Variants in KCNT1 observed in about 807,000 individuals in gnomAD.
The protein encoded by KCNT1 is potassium sodium-activated channel subfamily T member 1.
A neutral mutation model predicts 147.8 loss-of-function variants in KCNT1; 78 were observed. That is an observed-to-expected ratio of 0.53 (90% confidence interval 0.44 to 0.64). The LOEUF is 0.64. Among genes scored for constraint, KCNT1 ranks in the 30% least tolerant of loss-of-function variants. The pLI is 0.00. For synonymous variants in KCNT1, 867 were observed against 748.8 expected (o/e 1.16, Z -2.58); for missense variants, 1,419 against 1,750.3 (o/e 0.81, Z 3.38).
In KCNT1 at chr9:135,752,094, A is replaced by G; in HGVS notation, c.434+1053A>G. 1 of 279,604 alleles carries G rather than the reference A, an allele frequency of 3.6e-6. No individual in the cohort carries two copies. Among genetic ancestry groups the G allele is most frequent in the Non-Finnish European group, 7.1e-6 (1 of 140,574 alleles). 17.3% of individuals were successfully genotyped at this position (279,604 alleles called of 1,614,324 possible). On this transcript the variant is annotated intron_variant, in intron 4 of 30. Coordinates refer to ENST00000371757, the MANE Select transcript of KCNT1 (RefSeq NM_020822.3). This position sits in a 1 kb window ranked among gnomAD's most constrained non-coding sequence, Gnocchi z 5.1. Reference sequence around the variant, plus strand: ...GTGCCGTTTATGCGTAAGAGTGCTCAGGCGCTGAGGGGCTCTGCAGCCACG... The same window carrying G: ...GTGCCGTTTATGCGTAAGAGTGCTCGGGCGCTGAGGGGCTCTGCAGCCACG...
intron 13 of KCNT1, among the ~76,000 whole-genome samples, chr9:135,767,425 C>T (rs1314556314): frequency 6.6e-6 from 1 of 150,968 alleles, no homozygotes; most frequent in Admixed American, 6.6e-5. Context: ...TCTTAGACAG[C>T]GTCTCAGCAG....
At chr9:135,705,388 G>A (rs1337677154) in intron 1 of KCNT1, among the ~76,000 whole-genome samples, 3 of 152,226 alleles carry the variant, frequency 2.0e-5, no homozygotes, top group Non-Finnish European at 4.4e-5. Context: ...ATGCTGAACG[G>A]GTATCGTGTA....
At chr9:135,703,508 C>T (rs768736167) in intron 1 of KCNT1, among the ~76,000 whole-genome samples, 5 of 152,164 alleles carry the variant, frequency 3.3e-5, no homozygotes, top group Admixed American at 6.5e-5. Context: ...CGGGGTACAG[C>T]GTGTGTGAGG....
chr9:135,761,357 C>T (rs529042588), intron 11 of KCNT1, among the ~76,000 whole-genome samples: 7 of 152,200 alleles, frequency 4.6e-5, no homozygotes, highest in South Asian at 4.1e-4. Flanking sequence ...CCTGCTCCCC[C>T]ACACCCTGCA....
chr9:135,783,953 C>T (rs764252662), intron 24 of KCNT1, 71 bp from the exon 25 acceptor site: 113 of 1,170,182 alleles, frequency 9.7e-5, no homozygotes, highest in Non-Finnish European at 1.3e-4. Context: ...ACAGTGCCCT[C>T]GACCCCGTGG....
At chr9:135,722,621 G>T (rs1835968721) in intron 2 of KCNT1, among the ~76,000 whole-genome samples, 1 of 152,228 alleles carries the variant, frequency 6.6e-6, no homozygotes, top group African/African-American at 2.4e-5. Flanking sequence ...CAGCAACAGA[G>T]ATTTATTTCT....
intron 2 of KCNT1, among the ~76,000 whole-genome samples, chr9:135,731,726 C>T (rs1836440031): frequency 6.6e-6 from 1 of 151,788 alleles, no homozygotes; most frequent in Non-Finnish European, 1.5e-5. Flanking sequence ...GACCGTCATC[C>T]TCTGGTGCTT....
chr9:135,785,511 T>A (rs1193252762), intron 28 of KCNT1, 181 bp downstream of exon 28: 2 of 763,158 alleles, frequency 2.6e-6, no homozygotes, highest in Admixed American at 2.1e-5. Context: ...CTGTTGACAC[T>A]CACTCCCTCC....
chr9:135,782,332 G>C (rs1466097575), intron 24 of KCNT1, among the ~76,000 whole-genome samples: 2 of 152,192 alleles, frequency 1.3e-5, no homozygotes, highest in Non-Finnish European at 1.5e-5. Flanking sequence ...TCTCTCCCCT[G>C]AGGCCCACCT....
At chr9:135,717,478 T>C (rs561202102) in intron 2 of KCNT1, among the ~76,000 whole-genome samples, 3 of 152,016 alleles carry the variant, frequency 2.0e-5, no homozygotes, top group Admixed American at 6.5e-5. Flanking sequence ...CCAGCCCGGT[T>C]CCCAGCAGCT....
chr9:135,726,480 G>A (rs879406148), intron 2 of KCNT1, among the ~76,000 whole-genome samples: 81 of 152,166 alleles, frequency 5.3e-4, no homozygotes, highest in Non-Finnish European at 7.9e-4. Flanking sequence ...CCCCCACCCC[G>A]TTCCAAGCCT....
chr9:135,771,019 G>A lies in KCNT1; in HGVS notation c.1932G>A (p.Lys644=). ...TCTTCAAGCAGGAGGAGAAGCGGAAGAAGAGGGCCTTCTCGGGGCAGGGGC... is the reference window on the plus strand; with the variant it reads ...TCTTCAAGCAGGAGGAGAAGCGGAAAAAGAGGGCCTTCTCGGGGCAGGGGC... The part of the protein sequence containing the change: ...AFIFKQEEKR[K]KRAFSGQGLH... The change falls in exon 18 of 31, where the codon AAG becomes AAA. Residue 644 remains lysine (K), a synonymous_variant. Coordinates refer to ENST00000371757, the MANE Select transcript of KCNT1 (RefSeq NM_020822.3). 16 of 1,613,744 alleles carry A rather than the reference G, an allele frequency of 9.9e-6. No homozygotes were observed. The highest frequency in any genetic ancestry group is 1.4e-5 in the Non-Finnish European group (16 of 1,179,838).
intron 1 of KCNT1, among the ~76,000 whole-genome samples, chr9:135,704,529 C>T (rs1328771180): frequency 6.6e-6 from 1 of 152,230 alleles, no homozygotes; most frequent in Non-Finnish European, 1.5e-5. Flanking sequence ...GCTGCCTCCC[C>T]ACAGGCCCTG....
intron 2 of KCNT1, among the ~76,000 whole-genome samples, chr9:135,726,171 G>A (rs1279764463): frequency 1.3e-5 from 2 of 152,220 alleles, no homozygotes; most frequent in Non-Finnish European, 2.9e-5. Context: ...GAGCCAGGGC[G>A]CTGTCTGGGC....
Position 135,730,512 on chromosome 9 carries a change from G to A in KCNT1, c.254+15792G>A, listed in dbSNP as rs1799222276. 6.6e-6 allele frequency among the ~76,000 whole-genome samples: 1 copy of A among 152,184 alleles called. No homozygotes were observed. Among genetic ancestry groups the A allele is most frequent in the African/African-American group, 2.4e-5 (1 of 41,442 alleles). On this transcript the variant is annotated intron_variant, in intron 2 of 30. Coordinates refer to ENST00000371757, the MANE Select transcript of KCNT1 (RefSeq NM_020822.3). The surrounding 1 kb of genome is among the most constrained non-coding windows in gnomAD (Gnocchi z 4.7). ...GCAGAGGTTCAGAGTCGCTGGAGAAGGAGATGAGCAGGGGAAGCAAGGACT... is the reference window on the plus strand; with the variant it reads ...GCAGAGGTTCAGAGTCGCTGGAGAAAGAGATGAGCAGGGGAAGCAAGGACT...
intron 2 of KCNT1, among the ~76,000 whole-genome samples, chr9:135,744,857 G>A (rs879576335): frequency 2.0e-5 from 3 of 152,224 alleles, no homozygotes; most frequent in Non-Finnish European, 4.4e-5. Context: ...ATGCCCATGA[G>A]TCTCACCGGC....
At position 135,772,884 on chromosome 9, in the gene KCNT1, C is replaced by T; in HGVS notation, c.2178C>T (p.Asp726=). The T allele has an allele frequency of 6.4e-7, 1 of 1,561,204 alleles. No individual in the cohort carries two copies. Among genetic ancestry groups the T allele is most frequent in the Non-Finnish European group, 8.7e-7 (1 of 1,153,862 alleles). Residue 726 remains aspartate (D), a synonymous_variant, in exon 19 of 31, where the codon GAC becomes GAT. Transcript: ENST00000371757. The stretch of plus-strand genomic sequence containing the variant: ...ACAGCTCAGCCCTGCTGCCCTGCGA[C>T]CTGCTGAGCGACCAGTCGGAGGATG... ...LADSSALLPC[D]LLSDQSEDEV...
intron 2 of KCNT1, chr9:135,742,673 G>A (rs1243000874): frequency 9.9e-6 from 7 of 710,524 alleles, no homozygotes; most frequent in African/African-American, 1.7e-5. Context: ...CCATCTGTCT[G>A]TCTACTGCCT....
At position 135,785,586 on chromosome 9, in the gene KCNT1, C is replaced by T. The variant is rs1035620834; in HGVS notation, c.3177+256C>T. 8.2e-6 allele frequency: 5 copies of T among 613,090 alleles called. No individual in the cohort carries two copies. The East Asian group carries it at 1.1e-4, about 14-fold the overall frequency. The allele number at this position is 613,090 out of a possible 1,614,324, so 38.0% of individuals were successfully genotyped here. On this transcript the variant is annotated intron_variant, in intron 28 of 30. Coordinates refer to ENST00000371757, the MANE Select transcript of KCNT1 (RefSeq NM_020822.3). ...CCTGTGAGTTTGGACACCAGGTGCACCCCCGCCCCCTCCCAGGCCCCACCA... is the reference window on the plus strand; with the variant it reads ...CCTGTGAGTTTGGACACCAGGTGCATCCCCGCCCCCTCCCAGGCCCCACCA...
Sources: gnomAD v4.1 joint callset for allele counts (sites outside exome capture counted in the v4.1 genomes callset) on GRCh38, gnomAD v4.1.1 for gene constraint, Gnocchi (gnomAD v3.1) non-coding constraint, MANE v1.5 for transcripts, NCBI Gene and HGNC (gene_info 2026-07-23, HGNC 2026-07-21) for gene names.